The following PDE10A variants were observed in gnomAD, a reference collection of about 807,000 sequenced individuals.
PDE10A encodes the protein phosphodiesterase 10A, also known as cAMP and cAMP-inhibited cGMP 3',5'-cyclic phosphodiesterase 10A.
In PDE10A, 39 loss-of-function variants were observed where a neutral mutation model predicts 97.7. The ratio of observed to expected loss-of-function variants is 0.40; its 90% CI spans 0.31 to 0.52. The LOEUF (loss-of-function observed/expected upper bound fraction) is 0.52, where lower values mean the gene tolerates loss of function less well. Among genes scored for constraint, PDE10A ranks in the 20% least tolerant of loss-of-function variants. The probability of loss-of-function intolerance (pLI) is 0.56; values close to 1 mark genes in which losing one functional copy is unlikely to be tolerated. For synonymous variants in PDE10A, 371 were observed against 376.8 expected, an observed-to-expected ratio of 0.98 and a Z score of 0.18; for missense variants, 731 against 1,047.8, an observed-to-expected ratio of 0.70 and a Z score of 4.17.
chr6:165,946,324 CT>C (rs1315839513), intron 1 of PDE10A, among the ~76,000 whole-genome samples: 3 of 151,924 alleles, frequency 2.0e-5, no homozygotes, highest in Non-Finnish European at 2.9e-5. Flanking sequence ...GTGAAACCCC[CT>C]CTCTACTAAA....
chr6:165,765,756 G>T (rs1777828626), intron 1 of PDE10A, among the ~76,000 whole-genome samples: 1 of 152,244 alleles, frequency 6.6e-6, no homozygotes, highest in Non-Finnish European at 1.5e-5. Flanking sequence ...GGGCTGAAGG[G>T]CTCCTCAAGT....
chr6:165,897,646 C>G (rs553367748), intron 1 of PDE10A, among the ~76,000 whole-genome samples: 23 of 151,342 alleles, frequency 1.5e-4, no homozygotes, highest in African/African-American at 4.9e-4. Context: ...CCCCCCACCT[C>G]CAGGCTTCTT....
chr6:165,526,040 C>T (rs1364929859), intron 2 of PDE10A, among the ~76,000 whole-genome samples: 3 of 152,126 alleles, frequency 2.0e-5, no homozygotes, highest in African/African-American at 4.8e-5. Flanking sequence ...AAGGGGAGGA[C>T]GGGTCCCCTT....
chr6:165,663,125 G>C lies in PDE10A; in HGVS notation c.-314C>G, dbSNP rs1216722716. On this transcript the variant is annotated 5_prime_UTR_variant, in exon 1 of 22. Coordinates refer to ENST00000539869, the MANE Select transcript of PDE10A (RefSeq NM_001385079.1). ...AGACCCTCCCTGCAGGCGTGGCGTG[G>C]TGTGTGCGCGCTCCGGCGGCTGAGC... Among the ~76,000 whole-genome samples, 1 of 151,800 alleles carries C rather than the reference G, an allele frequency of 6.6e-6. No individual in the cohort carries two copies. Among genetic ancestry groups the C allele is most frequent in the Non-Finnish European group, 1.5e-5 (1 of 67,918 alleles).
chr6:165,918,747 T>C (rs547142213), intron 1 of PDE10A, among the ~76,000 whole-genome samples: 17 of 152,228 alleles, frequency 1.1e-4, no homozygotes, highest in Admixed American at 5.9e-4. Flanking sequence ...TCATTTCTCC[T>C]GCACAGGTTT....
At chr6:165,348,662 G>C (rs1277827663) in intron 18 of PDE10A, among the ~76,000 whole-genome samples, 3 of 152,132 alleles carry the variant, frequency 2.0e-5, no homozygotes, top group Non-Finnish European at 4.4e-5. Flanking sequence ...TCATAAGCTA[G>C]AATTAAACTG....
At chr6:165,549,534 C>T (rs569423778) in intron 1 of PDE10A, among the ~76,000 whole-genome samples, 2 of 152,198 alleles carry the variant, frequency 1.3e-5, no homozygotes, top group South Asian at 2.1e-4. Flanking sequence ...CCGTCTTAGC[C>T]GGGATGGTCT....
rs568447251 is a variant in PDE10A at position 165,329,322 on chromosome 6, G to C, written c.*3703C>G. 16 of 152,256 alleles carry C rather than the reference G, an allele frequency of 1.1e-4. No individual in the cohort carries two copies. The highest frequency in any genetic ancestry group is 3.9e-4 in the African/African-American group (16 of 41,542). 9.4% of individuals were successfully genotyped at this position (152,256 alleles called of 1,614,324 possible). On this transcript the variant is annotated 3_prime_UTR_variant, in exon 22 of 22. Coordinates refer to ENST00000539869, the MANE Select transcript of PDE10A (RefSeq NM_001385079.1). The stretch of plus-strand genomic sequence containing the variant: ...AAATAAAGAACAGAAATCTGATGAG[G>C]AGAGAATGGTCCTATTCATTCAACT...
intron 1 of PDE10A, among the ~76,000 whole-genome samples, chr6:165,587,775 A>G (rs1001588853): frequency 1.3e-5 from 2 of 152,190 alleles, no homozygotes; most frequent in African/African-American, 2.4e-5. Context: ...GTCTTCCAGG[A>G]AAGAACAACC....
intron 1 of PDE10A, among the ~76,000 whole-genome samples, chr6:165,936,829 T>G (rs913944105): frequency 3.9e-5 from 6 of 152,168 alleles, no homozygotes; most frequent in African/African-American, 1.4e-4. Flanking sequence ...TTTAACCCAA[T>G]AGTGTGAATC....
rs888040015 is a variant in PDE10A at position 165,958,245 on chromosome 6, G to T, written c.-615+29284C>A. On this transcript the variant is annotated intron_variant, in intron 1 of 19. Transcript: ENST00000366882. ...CCACCCACAAAAGACAGCAAAGCCC[G>T]CCAGGCAGGAGGTTTGAACACGCAG... Among the ~76,000 whole-genome samples the T allele has an allele frequency of 3.3e-5, 5 of 152,048 alleles. No homozygotes were observed. The South Asian group carries it at 8.3e-4, about 25-fold the overall frequency.
intron 2 of PDE10A, among the ~76,000 whole-genome samples, chr6:165,498,727 T>C (rs1780697728): frequency 6.6e-6 from 1 of 152,152 alleles, no homozygotes; most frequent in South Asian, 2.1e-4. Context: ...TGACTTAAAT[T>C]GTCTCATTTT....
intron 1 of PDE10A, among the ~76,000 whole-genome samples, chr6:165,704,415 G>A (rs556361984): frequency 8.5e-5 from 13 of 152,296 alleles, no homozygotes; most frequent in Middle Eastern, 3.4e-3. Context: ...GCAAAAATGC[G>A]CAGCAGGAAT....
At chr6:165,781,510 G>A (rs1778342015) in intron 1 of PDE10A, 1 of 137,242 alleles carries the variant, frequency 7.3e-6, no homozygotes, top group Admixed American at 7.9e-5. Flanking sequence ...GCAGAATGAT[G>A]CCCCAACAAA....
At chr6:165,929,793 T>C (rs1385493317) in intron 1 of PDE10A, among the ~76,000 whole-genome samples, 1 of 152,204 alleles carries the variant, frequency 6.6e-6, no homozygotes, top group Admixed American at 6.5e-5. Flanking sequence ...CCGGGCTGGC[T>C]CAGAGCTGCT....
intron 1 of PDE10A, among the ~76,000 whole-genome samples, chr6:165,561,787 T>C (rs73786637): frequency 0.033 from 4,993 of 152,292 alleles, 111 homozygotes; most frequent in Middle Eastern, 0.044. Context: ...CAAGAAAGAT[T>C]TGAAGACTCA....
chr6:165,665,416 G>A (rs1215113456), upstream of PDE10A, among the ~76,000 whole-genome samples: 1 of 152,172 alleles, frequency 6.6e-6, no homozygotes, highest in Non-Finnish European at 1.5e-5. Flanking sequence ...TCAGAAGGAG[G>A]AGAGGGCTGT....
intron 1 of PDE10A, among the ~76,000 whole-genome samples, chr6:165,680,130 A>T (rs1421066754): frequency 2.6e-5 from 4 of 152,106 alleles, no homozygotes; most frequent in Admixed American, 6.5e-5. Flanking sequence ...GAAAAAGAAA[A>T]CAGCCATGGA....
At chr6:165,469,203 C>T (rs551119137) in intron 3 of PDE10A, among the ~76,000 whole-genome samples, 5 of 152,226 alleles carry the variant, frequency 3.3e-5, no homozygotes, top group East Asian at 1.9e-4. Flanking sequence ...ACAAACGGTT[C>T]GCGTCTGTAA....
Sources: allele counts gnomAD v4.1 joint callset (sites outside exome capture counted in the v4.1 genomes callset), GRCh38; gene constraint gnomAD v4.1.1; transcripts MANE v1.5; gene names NCBI Gene and HGNC (gene_info 2026-07-23, HGNC 2026-07-21).